Variants in SCFD2 observed in about 807,000 individuals in gnomAD.
The protein encoded by SCFD2 is sec1 family domain containing 2.
Under a neutral mutation model 58.9 loss-of-function variants are expected in SCFD2, and 54 were observed. The ratio of observed to expected loss-of-function variants is 0.92; its 90% CI spans 0.74 to 1.15. SCFD2 has a LOEUF of 1.15. SCFD2 is among the 50% of genes most tolerant of loss of function. The pLI is 0.00. For missense variants in SCFD2, 805 were observed against 836.6 expected (o/e 0.96, Z 0.47); for synonymous variants, 321 against 335.9 (o/e 0.96, Z 0.49).
At chr4:53,050,118 C>T (rs1233757944) in intron 5 of SCFD2, among the ~76,000 whole-genome samples, 1 of 152,152 alleles carries the variant, frequency 6.6e-6, no homozygotes, top group African/African-American at 2.4e-5. Flanking sequence ...GAATTTCTTT[C>T]TCTAAAATTC....
intron 7 of SCFD2, among the ~76,000 whole-genome samples, chr4:52,903,724 T>C (rs1719279060): frequency 6.6e-6 from 1 of 152,232 alleles, no homozygotes; most frequent in African/African-American, 2.4e-5. Flanking sequence ...AACTGGGTTG[T>C]GTTATTTTAC....
chr4:53,245,351 A>T (rs970618609), intron 4 of SCFD2, among the ~76,000 whole-genome samples: 10 of 152,180 alleles, frequency 6.6e-5, no homozygotes, highest in African/African-American at 2.4e-4. Flanking sequence ...TGATGCAAAA[A>T]TCCTCAACAA....
chr4:53,193,972 C>G (rs1307015019), intron 4 of SCFD2, among the ~76,000 whole-genome samples: 1 of 152,114 alleles, frequency 6.6e-6, no homozygotes, highest in Non-Finnish European at 1.5e-5. Context: ...CGATCAGCAT[C>G]AAGTCATAAA....
intron 4 of SCFD2, among the ~76,000 whole-genome samples, chr4:53,218,027 G>A (rs1434129980): frequency 2.0e-5 from 3 of 152,116 alleles, no homozygotes; most frequent in Non-Finnish European, 2.9e-5. Context: ...TACTCTGTTG[G>A]GCTTCCCTTT....
At chr4:53,323,530 ATTTT>A (rs1201482656) in intron 2 of SCFD2, among the ~76,000 whole-genome samples, 1 of 106,764 alleles carries the variant, frequency 9.4e-6, no homozygotes, top group South Asian at 3.8e-4. Flanking sequence ...TGCCCAGCTA[ATTTT>A]TTTTTTTTTT....
intron 3 of SCFD2, among the ~76,000 whole-genome samples, chr4:53,278,410 T>C (rs1326340453): frequency 6.7e-6 from 1 of 149,844 alleles, no homozygotes; most frequent in African/African-American, 2.5e-5. Context: ...GGCATGGTAG[T>C]GCTCACCTAT....
chr4:53,223,410 G>A (rs11929903), intron 4 of SCFD2, among the ~76,000 whole-genome samples: 20,030 of 152,122 alleles, frequency 0.13, 1,462 homozygotes, highest in East Asian at 0.23. Flanking sequence ...TCTGTTTCTT[G>A]GTTATCTCTG....
chr4:53,181,857 CAAT>C (rs1727570418), intron 4 of SCFD2, among the ~76,000 whole-genome samples: 1 of 151,976 alleles, frequency 6.6e-6, no homozygotes, highest in African/African-American at 2.4e-5. Flanking sequence ...TCTTATACAC[CAAT>C]AACAGACAGA....
rs370223791 is a variant in SCFD2 at position 53,034,199 on chromosome 4, C to G, written c.1561+111134G>C. Among the ~76,000 whole-genome samples, 27 of 151,912 alleles carry G rather than the reference C, an allele frequency of 1.8e-4. No individual in the cohort carries two copies. In the South Asian group the frequency reaches 5.6e-3, roughly 31 times the overall value. ...AACGTAATCCATCACATAAACAGAA[C>G]CATAACCAATCACACAATCACTATA... is the stretch of plus-strand genomic sequence containing the variant. On this transcript the variant is annotated intron_variant, in intron 5 of 8. Coordinates refer to ENST00000401642, the MANE Select transcript of SCFD2 (RefSeq NM_152540.4).
At chr4:53,155,545 GC>G (rs1282897281) in intron 4 of SCFD2, among the ~76,000 whole-genome samples, 1 of 152,150 alleles carries the variant, frequency 6.6e-6, no homozygotes, top group African/African-American at 2.4e-5. Flanking sequence ...AAGACATAGG[GC>G]TCAATACGTA....
At chr4:52,997,385 C>T (rs1721764291) in intron 5 of SCFD2, among the ~76,000 whole-genome samples, 1 of 152,198 alleles carries the variant, frequency 6.6e-6, no homozygotes, top group Admixed American at 6.5e-5. Flanking sequence ...GCAACTGGAA[C>T]TTTCCGTGGC....
At position 53,141,932 on chromosome 4, in the gene SCFD2, G is replaced by A. The variant is rs545430676; in HGVS notation, c.1561+3401C>T. Among the ~76,000 whole-genome samples the A allele has an allele frequency of 1.8e-4, 28 of 152,106 alleles. No individual in the cohort carries two copies. The South Asian group carries it at 5.6e-3, about 30-fold the overall frequency. On this transcript the variant is annotated intron_variant, in intron 5 of 8. Coordinates refer to ENST00000401642, the MANE Select transcript of SCFD2 (RefSeq NM_152540.4). ...TGTTTGGATGCTGCCCACCAACACCGAGGGTTGATCTTCCCCACCAAATCC... is the reference window on the plus strand; with the variant it reads ...TGTTTGGATGCTGCCCACCAACACCAAGGGTTGATCTTCCCCACCAAATCC...
chr4:52,928,691 T>C (rs535177820), intron 5 of SCFD2, among the ~76,000 whole-genome samples: 2 of 152,192 alleles, frequency 1.3e-5, no homozygotes, highest in East Asian at 1.9e-4. Flanking sequence ...ATTGCTCCTA[T>C]TGTTATTGCA....
At chr4:53,204,226 C>G (rs1177154051) in intron 4 of SCFD2, among the ~76,000 whole-genome samples, 1 of 151,892 alleles carries the variant, frequency 6.6e-6, no homozygotes. Flanking sequence ...CTGGAACTAT[C>G]CAATATCTGC....
At chr4:53,019,714 A>G (rs1469091423) in intron 5 of SCFD2, among the ~76,000 whole-genome samples, 2 of 152,088 alleles carry the variant, frequency 1.3e-5, no homozygotes, top group African/African-American at 4.8e-5. Flanking sequence ...CAAACAAACA[A>G]TATATAAAGT....
chr4:53,082,028 T>C (rs1011831343), intron 5 of SCFD2, among the ~76,000 whole-genome samples: 4 of 152,216 alleles, frequency 2.6e-5, no homozygotes, highest in Non-Finnish European at 5.9e-5. Context: ...GTAGCATGTG[T>C]CAGTACTTCA....
intron 5 of SCFD2, among the ~76,000 whole-genome samples, chr4:53,130,980 G>A (rs147868910): frequency 6.6e-5 from 10 of 152,120 alleles, no homozygotes; most frequent in East Asian, 5.8e-4. Context: ...CTATCTACAC[G>A]CAAATATAAA....
At chr4:53,219,778 C>T (rs1477643210) in intron 4 of SCFD2, among the ~76,000 whole-genome samples, 4 of 152,198 alleles carry the variant, frequency 2.6e-5, no homozygotes, top group Admixed American at 1.3e-4. Context: ...CTCTTGGAAC[C>T]GCCCCCGCAA....
At chr4:53,237,370 G>T (rs1268743289) in intron 4 of SCFD2, among the ~76,000 whole-genome samples, 1 of 151,666 alleles carries the variant, frequency 6.6e-6, no homozygotes, top group Non-Finnish European at 1.5e-5. Context: ...CTCCCAGACG[G>T]GGTGGTGGCC....
Sources: gnomAD v4.1 joint callset for allele counts (sites outside exome capture counted in the v4.1 genomes callset) on GRCh38, gnomAD v4.1.1 for gene constraint, MANE v1.5 for transcripts, NCBI Gene and HGNC (gene_info 2026-07-23, HGNC 2026-07-21) for gene names.